The following PTPRO variants were observed in gnomAD, a reference collection of about 807,000 sequenced individuals.
PTPRO encodes protein tyrosine phosphatase receptor type O.
PTPRO carries 62 observed loss-of-function variants against 145.2 expected under a neutral mutation model. That is an observed-to-expected ratio of 0.43 (90% CI 0.35 to 0.53). The LOEUF (loss-of-function observed/expected upper bound fraction) is 0.53. Ranked by LOEUF, PTPRO falls within the 20% of genes least tolerant of loss-of-function variation. The probability of loss-of-function intolerance (pLI) is 0.01; values close to 1 mark genes in which losing one functional copy is unlikely to be tolerated. For missense variants in PTPRO, 1,345 were observed against 1,482.7 expected (o/e 0.91, Z 1.53); for synonymous variants, 565 against 514.7 (o/e 1.10, Z -1.32).
At chr12:15,401,164 A>G (rs967651761) in intron 1 of PTPRO, among the ~76,000 whole-genome samples, 7 of 152,308 alleles carry the variant, frequency 4.6e-5, no homozygotes, top group African/African-American at 1.7e-4. Context: ...GCCAGTCATG[A>G]CAGAAGAGAG....
At chr12:15,350,256 G>T (rs1937756874) in intron 1 of PTPRO, among the ~76,000 whole-genome samples, 1 of 152,142 alleles carries the variant, frequency 6.6e-6, no homozygotes, top group Non-Finnish European at 1.5e-5. Flanking sequence ...CAGACTGGGG[G>T]TGCTGGCAAA....
chr12:15,552,338 G>C (rs765353236), intron 15 of PTPRO, among the ~76,000 whole-genome samples: 5 of 152,120 alleles, frequency 3.3e-5, no homozygotes, highest in Non-Finnish European at 5.9e-5. Flanking sequence ...CTTAAAAACT[G>C]TTGCTTATTT....
chr12:15,568,491 A>T (rs1943959879), intron 18 of PTPRO, among the ~76,000 whole-genome samples: 1 of 152,132 alleles, frequency 6.6e-6, no homozygotes, highest in Non-Finnish European at 1.5e-5. Flanking sequence ...ATATAAGCTG[A>T]GTAACACACC....
chr12:15,329,507 T>A (rs940837999), intron 1 of PTPRO, among the ~76,000 whole-genome samples: 7 of 152,206 alleles, frequency 4.6e-5, no homozygotes, highest in African/African-American at 1.7e-4. Context: ...TGAAAGAGCA[T>A]CCTATAAACA....
chr12:15,509,718 G>A (rs1942399655), intron 7 of PTPRO, among the ~76,000 whole-genome samples: 1 of 150,844 alleles, frequency 6.6e-6, no homozygotes, highest in Non-Finnish European at 1.5e-5. Flanking sequence ...AGAATATAAA[G>A]TAAAAAACTA....
chr12:15,484,301 T>C (rs994171355), intron 2 of PTPRO, 54 bp downstream of exon 2: 1 of 1,602,210 alleles, frequency 6.2e-7, no homozygotes, highest in African/African-American at 1.3e-5. Flanking sequence ...CCCTGTTTCT[T>C]CCCGTAGGGC....
intron 1 of PTPRO, among the ~76,000 whole-genome samples, chr12:15,462,407 T>G (rs1355349300): frequency 6.6e-6 from 1 of 152,198 alleles, no homozygotes; most frequent in Admixed American, 6.5e-5. Context: ...ATTGTAGGTG[T>G]GAGCCACCAC....
chr12:15,403,796 C>T lies in PTPRO; in HGVS notation c.76-80178C>T, dbSNP rs180769107. Among the ~76,000 whole-genome samples the T allele has an allele frequency of 9.2e-5, 14 of 151,752 alleles. No homozygotes were observed. The East Asian group carries it at 2.5e-3, about 27-fold the overall frequency. ...TTTACCTGATTATTGCTTGACTCCC[C>T]ACCTAATCACCGAACATAGAATAGA... is the stretch of plus-strand genomic sequence containing the variant. On this transcript the variant is annotated intron_variant, in intron 1 of 26. Coordinates refer to ENST00000281171, the MANE Select transcript of PTPRO (RefSeq NM_030667.3).
intron 5 of PTPRO, among the ~76,000 whole-genome samples, chr12:15,503,435 G>T (rs917732743): frequency 2.0e-5 from 3 of 152,008 alleles, no homozygotes; most frequent in African/African-American, 7.2e-5. Context: ...AAGTTCAGGG[G>T]TACATCAGAA....
At chr12:15,457,512 A>G (rs1941206708) in intron 1 of PTPRO, among the ~76,000 whole-genome samples, 1 of 152,210 alleles carries the variant, frequency 6.6e-6, no homozygotes, top group African/African-American at 2.4e-5. Context: ...GGAAGGATTT[A>G]CTATTGCCTT....
rs191580231 is a variant in PTPRO, at chr12:15,408,999, G to C, written c.76-74975G>C. On this transcript the variant is annotated intron_variant, in intron 1 of 26. Coordinates refer to ENST00000281171, the MANE Select transcript of PTPRO (RefSeq NM_030667.3). ...ACTGACTAGTAGATGCTCAATAAAA[G>C]TTGAGAATAATTATATTTCCATTTC... Among the ~76,000 whole-genome samples, 180 of 152,194 alleles carry C rather than the reference G, an allele frequency of 1.2e-3. 2 individuals carry two copies. Among genetic ancestry groups the C allele is most frequent in the African/African-American group, 4.2e-3 (175 of 41,520 alleles).
In PTPRO at chr12:15,331,568, C is replaced by A. The variant is rs556472786; in HGVS notation, c.75+8767C>A. On this transcript the variant is annotated intron_variant, in intron 1 of 26. Transcript: ENST00000281171. ...GAAAATGACCACAAAGTACTGGGAA[C>A]AGTGCCTAGAATACAGTGAGCACTC... 1.6e-4 allele frequency among the ~76,000 whole-genome samples: 24 copies of A among 152,294 alleles called. No homozygotes were observed. The East Asian group carries it at 4.6e-3, about 29-fold the overall frequency.
In PTPRO at chr12:15,343,380, T is replaced by A. The variant is rs1032536615; in HGVS notation, c.75+20579T>A. Among the ~76,000 whole-genome samples, 4 of 152,126 alleles carry A rather than the reference T, an allele frequency of 2.6e-5. No homozygotes were observed. The East Asian group carries it at 7.7e-4, about 29-fold the overall frequency. On this transcript the variant is annotated intron_variant, in intron 1 of 26. Transcript: ENST00000281171. ...ATGTCCTAAATAAGCAACCATTTAA[T>A]ATGAATTTAAAATTAAAATTTAAAG...
chr12:15,441,933 G>C (rs559435933), intron 1 of PTPRO, among the ~76,000 whole-genome samples: 10 of 152,122 alleles, frequency 6.6e-5, no homozygotes, highest in Non-Finnish European at 1.5e-4. Context: ...TGTACAAAAA[G>C]CTGGTACCAA....
chr12:15,401,780 A>T (rs1462991640), intron 1 of PTPRO, among the ~76,000 whole-genome samples: 1 of 152,344 alleles, frequency 6.6e-6, no homozygotes, highest in South Asian at 2.1e-4. Context: ...TTGATTGCAC[A>T]TCTTGTTCTT....
At chr12:15,350,640 A>T (rs1200106536) in intron 1 of PTPRO, among the ~76,000 whole-genome samples, 1 of 152,210 alleles carries the variant, frequency 6.6e-6, no homozygotes, top group Non-Finnish European at 1.5e-5. Context: ...ATTGCTATCA[A>T]ATATTCTGAT....
intron 1 of PTPRO, among the ~76,000 whole-genome samples, chr12:15,437,381 C>G (rs757554685): frequency 2.6e-5 from 4 of 151,910 alleles, no homozygotes; most frequent in Non-Finnish European, 5.9e-5. Flanking sequence ...GATCTCTAGA[C>G]TTTTGGGGCA....
At chr12:15,377,646 C>A (rs1230106826) in intron 1 of PTPRO, among the ~76,000 whole-genome samples, 1 of 151,994 alleles carries the variant, frequency 6.6e-6, no homozygotes, top group East Asian at 1.9e-4. Flanking sequence ...CACCAACCAG[C>A]CTTAAACATC....
intron 1 of PTPRO, among the ~76,000 whole-genome samples, chr12:15,420,741 A>G (rs1337069218): frequency 6.6e-6 from 1 of 152,236 alleles, no homozygotes; most frequent in African/African-American, 2.4e-5. Context: ...CATACTGCCT[A>G]TCTTTCAGTA....
Sources: gnomAD v4.1 joint callset for allele counts (sites outside exome capture counted in the v4.1 genomes callset) on GRCh38, gnomAD v4.1.1 for gene constraint, MANE v1.5 for transcripts, NCBI Gene and HGNC (gene_info 2026-07-23, HGNC 2026-07-21) for gene names.